The following NCBP1 variants were observed in gnomAD, a reference collection of about 807,000 sequenced individuals.
The protein encoded by NCBP1 is nuclear cap binding protein subunit 1.
Under a neutral mutation model 111.7 loss-of-function variants are expected in NCBP1, and 16 were observed. The observed-to-expected ratio is 0.14, with a 90% CI of 0.10 to 0.22. The LOEUF is 0.22. Among genes scored for constraint, NCBP1 ranks in the 10% least tolerant of loss-of-function variants. The pLI is 1.00. For synonymous variants in NCBP1, 304 were observed against 314.3 expected, an observed-to-expected ratio of 0.97 and a Z score of 0.35; for missense variants, 607 against 957.5, an observed-to-expected ratio of 0.63 and a Z score of 4.83.
intron 1 of NCBP1, among the ~76,000 whole-genome samples, chr9:97,634,970 G>A (rs1004632142): frequency 2.0e-5 from 3 of 152,128 alleles, no homozygotes; most frequent in Non-Finnish European, 2.9e-5. Context: ...CAGCAACAAT[G>A]ATGTTTTATC....
intron 8 of NCBP1, 108 bp downstream of exon 8, chr9:97,648,331 T>TA: frequency 1.0e-6 from 1 of 997,560 alleles, no homozygotes; most frequent in East Asian, 2.6e-5. Flanking sequence ...GAGTTGTTTT[T>TA]ATCTAAGAAG....
chr9:97,667,756 A>G (rs1444077049), intron 20 of NCBP1, among the ~76,000 whole-genome samples: 1 of 152,224 alleles, frequency 6.6e-6, no homozygotes, highest in Non-Finnish European at 1.5e-5. Flanking sequence ...GTTAAATACA[A>G]TTTAACATTC....
rs980313594 is a variant in NCBP1 at position 97,666,797 on chromosome 9, C to G, written c.1936C>G (p.Arg646Gly). The G allele has an allele frequency of 6.2e-7, 1 of 1,607,654 alleles. No homozygotes were observed. Among genetic ancestry groups the G allele is most frequent in the African/African-American group, 1.3e-5 (1 of 74,610 alleles). ...TTGGGAAATTTTGCACTCTACAATT[C>G]GTAAGATGAACAAACATGTCCTGAA... ...FVWEILHSTI[R>G]KMNKHVLKIQ... Residue 646 changes from arginine to glycine, a missense_variant, in exon 20 of 23, where the codon CGT (arginine) becomes GGT (glycine). By Grantham distance (125) the Arg-to-Gly change is moderately radical. Transcript: ENST00000375147.
intron 6 of NCBP1, among the ~76,000 whole-genome samples, chr9:97,646,388 A>G (rs1827335118): frequency 1.3e-5 from 2 of 152,168 alleles, no homozygotes; most frequent in Admixed American, 1.3e-4. Context: ...ATGCTTAACT[A>G]TCCAGCAACA....
rs866008090 is a variant in NCBP1, at chr9:97,669,722, C to T, written c.2259+16C>T. The T allele has an allele frequency of 2.7e-6, 4 of 1,474,418 alleles. No homozygotes were observed. Among genetic ancestry groups the T allele is most frequent in the East Asian group, 2.3e-5 (1 of 44,224 alleles). The allele number at this position is 1,474,418 out of a possible 1,614,324, so 91.3% of individuals were successfully genotyped here. ...CTTCCTACAGGTATGTGGGGAACTTCGATTAGGTAATAACACTATTCTCAG... is the reference window on the plus strand; with the variant it reads ...CTTCCTACAGGTATGTGGGGAACTTTGATTAGGTAATAACACTATTCTCAG... On this transcript the variant is annotated intron_variant, in intron 22 of 22. Coordinates refer to ENST00000375147, the MANE Select transcript of NCBP1 (RefSeq NM_002486.5).
Position 97,647,570 on chromosome 9 carries a change from AT to A in NCBP1, c.681+12del. ...CACATCCACAAGAAGAGGTAAATGGATTTCAGTCCCTTGTGATACAAACACA... is the reference window on the plus strand; with the variant it reads ...CACATCCACAAGAAGAGGTAAATGGATTCAGTCCCTTGTGATACAAACACA... On this transcript the variant is annotated intron_variant, in intron 7 of 22. Coordinates refer to ENST00000375147, the MANE Select transcript of NCBP1 (RefSeq NM_002486.5). 1 of 1,602,190 alleles carries A rather than the reference AT, an allele frequency of 6.2e-7. No individual in the cohort carries two copies.
At chr9:97,642,314 G>C (rs1036599919) in intron 3 of NCBP1, among the ~76,000 whole-genome samples, 1 of 151,962 alleles carries the variant, frequency 6.6e-6, no homozygotes, top group Non-Finnish European at 1.5e-5. Flanking sequence ...GTATTGCTTC[G>C]CAGTGTTCTT....
chr9:97,656,220 T>TA (rs1827649064), intron 14 of NCBP1, 135 bp downstream of exon 14: 1 of 751,196 alleles, frequency 1.3e-6, no homozygotes, highest in Non-Finnish European at 2.1e-6. Flanking sequence ...AATCAAGACT[T>TA]AGGCTAAGAA....
At chr9:97,664,100 A>C (rs1335681928) in intron 18 of NCBP1, among the ~76,000 whole-genome samples, 1 of 151,682 alleles carries the variant, frequency 6.6e-6, no homozygotes, top group African/African-American at 2.4e-5. Flanking sequence ...AATTGCTTGA[A>C]CCTAGGAGGT....
chr9:97,645,792 A>G, intron 6 of NCBP1, 60 bp downstream of exon 6: 1 of 1,567,382 alleles, frequency 6.4e-7, no homozygotes, highest in Non-Finnish European at 8.7e-7. Flanking sequence ...TATATCAGTG[A>G]TACCATTTGA....
intron 1 of NCBP1, among the ~76,000 whole-genome samples, chr9:97,635,016 G>C (rs1038338104): frequency 6.6e-6 from 1 of 152,206 alleles, no homozygotes; most frequent in African/African-American, 2.4e-5. Flanking sequence ...AACGTTAGCA[G>C]ATGCTGTCAA....
At chr9:97,669,756 AT>A in intron 22 of NCBP1, 50 bp downstream of exon 22, 1 of 1,303,488 alleles carries the variant, frequency 7.7e-7, no homozygotes, top group Non-Finnish European at 1.1e-6. Flanking sequence ...AGCCACAAAG[AT>A]TTTTCATTAA....
In NCBP1 at chr9:97,672,831, A is replaced by G. The variant is rs1828232093; in HGVS notation, c.*1632A>G. 6.4e-6 allele frequency: 1 copy of G among 156,142 alleles called. No individual in the cohort carries two copies. Among genetic ancestry groups the G allele is most frequent in the South Asian group, 2.0e-4 (1 of 5,014 alleles). 9.7% of individuals were successfully genotyped at this position (156,142 alleles called of 1,614,324 possible). ...TTTATTTTCTTTTCTCTAGCTTCAT[A>G]AGAATATAGCATATGGGCTGGGCGC... On this transcript the variant is annotated 3_prime_UTR_variant, in exon 23 of 23. Transcript: ENST00000375147.
rs1828194159 is a variant in NCBP1, at chr9:97,671,556, TACCCAGTAGCATA to T, written c.*360_*372del. 1 of 163,096 alleles carries T rather than the reference TACCCAGTAGCATA, an allele frequency of 6.1e-6. No individual in the cohort carries two copies. 10.1% of individuals were successfully genotyped at this position (163,096 alleles called of 1,614,324 possible). A position where few individuals can be genotyped will look rare whatever the true frequency, so the allele number is the denominator to read the frequency against. ...TATAGAACTGATGGGTTTACCCAGC[TACCCAGTAGCATA>T]ACTTTTCACAGCTCGGGGATGAATT... On this transcript the variant is annotated 3_prime_UTR_variant, in exon 23 of 23. Coordinates refer to ENST00000375147, the MANE Select transcript of NCBP1 (RefSeq NM_002486.5).
Position 97,654,873 on chromosome 9 carries a change from T to A in NCBP1, c.1171-7T>A. On this transcript the variant is annotated splice_region_variant and splice_polypyrimidine_tract_variant and intron_variant, in intron 11 of 22. Coordinates refer to ENST00000375147, the MANE Select transcript of NCBP1 (RefSeq NM_002486.5). ...GGAGAATAGTTTTCCTTATCCTAAA[T>A]TCACAGCTTGCACAGGCAACTGAAA... 1 of 1,613,636 alleles carries A rather than the reference T, an allele frequency of 6.2e-7. No homozygotes were observed. Among genetic ancestry groups the A allele is most frequent in the Non-Finnish European group, 8.5e-7 (1 of 1,179,776 alleles).
At chr9:97,637,405 T>A (rs1179931186) in intron 1 of NCBP1, among the ~76,000 whole-genome samples, 1 of 152,238 alleles carries the variant, frequency 6.6e-6, no homozygotes, top group African/African-American at 2.4e-5. Context: ...AGAAAGTATT[T>A]AGATTGTTCA....
In NCBP1 at chr9:97,660,952, T is replaced by C; in HGVS notation, c.1484T>C (p.Leu495Pro). Residue 495 changes from leucine to proline, a missense_variant, in exon 16 of 23, where the codon CTT (leucine) becomes CCT (proline). By Grantham distance (98) the Leu-to-Pro change is moderately conservative. Around this residue, in one of 9 missense-constraint regions of NCBP1, gnomAD observed 282 missense variants for 376.5 expected, o/e 0.75. Coordinates refer to ENST00000375147, the MANE Select transcript of NCBP1 (RefSeq NM_002486.5). ...YKYGDESSNS[L>P]PGHSVALCLA... is the part of the protein sequence containing the mutation. ...CCCCCAATTCTGTGTTTAGATTCTC[T>C]TCCTGGACATTCTGTTGCCCTCTGT... is the stretch of plus-strand genomic sequence containing the variant. 6.2e-7 allele frequency: 1 copy of C among 1,610,662 alleles called. No individual in the cohort carries two copies. Among genetic ancestry groups the C allele is most frequent in the Non-Finnish European group, 8.5e-7 (1 of 1,178,866 alleles).
chr9:97,633,927 C>T lies in NCBP1; in HGVS notation c.34+12C>T, dbSNP rs1205307322. ...CGACGAGAACGACGGTGAGTGCCTG[C>T]GGCCCGGCCACGGAGGCCGCTCCCG... On this transcript the variant is annotated intron_variant, in intron 1 of 22. Transcript: ENST00000375147. The T allele has an allele frequency of 1.5e-5, 23 of 1,582,408 alleles. No individual in the cohort carries two copies. Among genetic ancestry groups the T allele is most frequent in the East Asian group, 2.3e-5 (1 of 43,222 alleles).
rs769319717 is a variant in NCBP1 at position 97,655,993 on chromosome 9, A to G, written c.1299-18A>G. 8 of 1,608,596 alleles carry G rather than the reference A, an allele frequency of 5.0e-6. No individual in the cohort carries two copies. Among genetic ancestry groups the G allele is most frequent in the South Asian group, 2.2e-5 (2 of 90,924 alleles). Reference sequence around the variant, plus strand: ...CAGATTATATGTAAGCATTGATAAAACTACATTTCCTCCTTAGGTCAGATT... The same window carrying G: ...CAGATTATATGTAAGCATTGATAAAGCTACATTTCCTCCTTAGGTCAGATT... On this transcript the variant is annotated intron_variant, in intron 13 of 22. Transcript: ENST00000375147.
Sources: allele counts gnomAD v4.1 joint callset (sites outside exome capture counted in the v4.1 genomes callset), GRCh38; gene constraint gnomAD v4.1.1; regional missense constraint gnomAD v4.1.1; transcripts MANE v1.5; gene names NCBI Gene and HGNC (gene_info 2026-07-23, HGNC 2026-07-21).